EHMT1: variants seen among roughly 807,000 people sequenced by gnomAD.
EHMT1 encodes histone-lysine N-methyltransferase EHMT1.
A neutral mutation model predicts 147.2 loss-of-function variants in EHMT1; 15 were observed. The observed-to-expected ratio is 0.10, with a 90% confidence interval of 0.07 to 0.16. The LOEUF (loss-of-function observed/expected upper bound fraction) is 0.16. Among genes scored for constraint, EHMT1 ranks in the 10% least tolerant of loss-of-function variants. The probability of loss-of-function intolerance (pLI) is 1.00; values close to 1 mark genes in which losing one functional copy is unlikely to be tolerated. For synonymous variants in EHMT1, 795 were observed against 709.6 expected (o/e 1.12, Z -1.91); for missense variants, 1,587 against 1,772.4 (o/e 0.90, Z 1.88).
chr9:137,798,075 A>G (rs1157275010), intron 16 of EHMT1, among the ~76,000 whole-genome samples: 1 of 152,186 alleles, frequency 6.6e-6, no homozygotes, highest in Non-Finnish European at 1.5e-5. Context: ...GCTGAAAGGA[A>G]ATGAGAGGGT....
intron 8 of EHMT1, among the ~76,000 whole-genome samples, chr9:137,755,603 G>A (rs1473229610): frequency 6.6e-6 from 1 of 152,232 alleles, no homozygotes; most frequent in African/African-American, 2.4e-5. Context: ...GGAGTGGAAT[G>A]GCTGAGTAGA....
intron 5 of EHMT1, 71 bp from the exon 6 acceptor site, chr9:137,743,831 C>T: frequency 6.5e-7 from 1 of 1,527,704 alleles, no homozygotes; most frequent in Non-Finnish European, 8.8e-7. Flanking sequence ...CCCAAGACTC[C>T]TCAGTGAAAG....
chr9:137,811,702 T>A, intron 19 of EHMT1, 87 bp downstream of exon 19: 1 of 1,566,404 alleles, frequency 6.4e-7, no homozygotes, highest in South Asian at 1.1e-5. Context: ...GTGTTCACAC[T>A]TGGGGCGTGA....
At chr9:137,788,492 G>T (rs1016629625) in intron 15 of EHMT1, 1 of 163,258 alleles carries the variant, frequency 6.1e-6, no homozygotes, top group Non-Finnish European at 1.3e-5. Flanking sequence ...CAGGTGTAGG[G>T]AAGTTGCAGG....
At chr9:137,657,494 GTTGC>G (rs1414914638) in intron 1 of EHMT1, among the ~76,000 whole-genome samples, 1 of 149,348 alleles carries the variant, frequency 6.7e-6, no homozygotes, top group Non-Finnish European at 1.5e-5. Flanking sequence ...AGTGCACCTG[GTTGC>G]TTTTTTTTTT....
At chr9:137,798,979 C>T in intron 17 of EHMT1, 65 bp downstream of exon 17, 1 of 1,335,240 alleles carries the variant, frequency 7.5e-7, no homozygotes, top group African/African-American at 1.4e-5. Flanking sequence ...CACTGTTCTG[C>T]AGCTCCTGGT....
chr9:137,662,564 A>G (rs1262094524), intron 1 of EHMT1, among the ~76,000 whole-genome samples: 1 of 152,020 alleles, frequency 6.6e-6, no homozygotes, highest in Admixed American at 6.6e-5. Context: ...TAGTGGCATG[A>G]TCTCAGCTCA....
chr9:137,760,740 C>T (rs561486995), intron 9 of EHMT1, among the ~76,000 whole-genome samples: 46 of 152,244 alleles, frequency 3.0e-4, no homozygotes, highest in Admixed American at 7.2e-4. Context: ...GCTGGCAGGG[C>T]GGCTCAGGCC....
intron 25 of EHMT1, among the ~76,000 whole-genome samples, chr9:137,823,078 C>T (rs944203755): frequency 5.4e-5 from 8 of 147,510 alleles, no homozygotes; most frequent in Admixed American, 4.0e-4. Context: ...CTACAGGCGC[C>T]GGCCACCATG....
intron 25 of EHMT1, among the ~76,000 whole-genome samples, chr9:137,821,783 G>C (rs2132892438): frequency 6.6e-6 from 1 of 152,266 alleles, no homozygotes; most frequent in Middle Eastern, 3.4e-3. Context: ...TTACTACCTT[G>C]TTTACTAGTT....
At chr9:137,812,983 T>C in intron 19 of EHMT1, 23 bp from the exon 20 acceptor site, 1 of 1,613,768 alleles carries the variant, frequency 6.2e-7, no homozygotes. Context: ...AAATGTTTTG[T>C]GGCCTTACAT....
intron 25 of EHMT1, among the ~76,000 whole-genome samples, chr9:137,818,592 A>G (rs796800606): frequency 2.8e-4 from 6 of 21,758 alleles, no homozygotes; most frequent in African/African-American, 5.4e-4. Flanking sequence ...AGGCCGATTG[A>G]GGGGCGCCAT....
At chr9:137,690,783 T>A (rs1047431705) in intron 1 of EHMT1, among the ~76,000 whole-genome samples, 2 of 152,194 alleles carry the variant, frequency 1.3e-5, no homozygotes, top group African/African-American at 4.8e-5. Flanking sequence ...TCATCACTTG[T>A]GTATGTTGCT....
At chr9:137,714,555 AT>A (rs35445261) in intron 2 of EHMT1, among the ~76,000 whole-genome samples, 4,135 of 84,200 alleles carry the variant, frequency 0.049, 180 homozygotes, top group African/African-American at 0.14. Context: ...CAGTTTGCTC[AT>A]TTTTTTTTTT....
chr9:137,777,086 C>T lies in EHMT1; in HGVS notation c.2018+242C>T, dbSNP rs781218986. 2.0e-5 allele frequency: 10 copies of T among 494,706 alleles called. No homozygotes were observed. The South Asian group carries it at 2.1e-4, about 10-fold the overall frequency. 30.6% of individuals were successfully genotyped at this position (494,706 alleles called of 1,614,324 possible). A position where few individuals can be genotyped will look rare whatever the true frequency, so the allele number is the denominator to read the frequency against. ...CTGTTTTGAACCGGTTTTCACAGCA[C>T]CCCCATTGATGTAGCTCTGTGGTGT... On this transcript the variant is annotated intron_variant, in intron 12 of 26. Coordinates refer to ENST00000460843, the MANE Select transcript of EHMT1 (RefSeq NM_024757.5).
intron 10 of EHMT1, among the ~76,000 whole-genome samples, chr9:137,767,136 T>G (rs951441015): frequency 3.3e-5 from 5 of 152,278 alleles, no homozygotes; most frequent in Non-Finnish European, 5.9e-5. Context: ...TTTTATTTTT[T>G]AGAGATAATG....
chr9:137,715,089 C>G (rs1391438599), intron 2 of EHMT1, among the ~76,000 whole-genome samples: 1 of 152,010 alleles, frequency 6.6e-6, no homozygotes, highest in Non-Finnish European at 1.5e-5. Context: ...ATTCAGCAGT[C>G]TGGTTGTACT....
At chr9:137,699,685 AAAAAG>A (rs1198594794) in intron 1 of EHMT1, among the ~76,000 whole-genome samples, 1 of 150,666 alleles carries the variant, frequency 6.6e-6, no homozygotes, top group Non-Finnish European at 1.5e-5. Flanking sequence ...AAAAAAAAAA[AAAAAG>A]AGAAAAAGAT....
At chr9:137,777,027 C>G in intron 12 of EHMT1, 183 bp downstream of exon 12, 1 of 652,588 alleles carries the variant, frequency 1.5e-6, no homozygotes, top group East Asian at 2.8e-5. Context: ...GCATACGTTG[C>G]TCTCTTTCGG....
Sources: gnomAD v4.1 joint callset for allele counts (sites outside exome capture counted in the v4.1 genomes callset) on GRCh38, gnomAD v4.1.1 for gene constraint, MANE v1.5 for transcripts, NCBI Gene and HGNC (gene_info 2026-07-23, HGNC 2026-07-21) for gene names.